PROS1: variants seen among roughly 807,000 people sequenced by gnomAD.
PROS1 encodes vitamin K-dependent protein S.
A neutral mutation model predicts 75.9 loss-of-function variants in PROS1; 29 were observed. That is an observed-to-expected ratio of 0.38 (90% CI 0.28 to 0.52). PROS1 has a LOEUF of 0.52. Ranked by LOEUF, PROS1 falls within the 20% of genes least tolerant of loss-of-function variation. The pLI is 0.83. For synonymous variants in PROS1, 245 were observed against 280.6 expected (o/e 0.87, Z 1.27); for missense variants, 680 against 810.3 (o/e 0.84, Z 1.95).
At chr3:93,949,851 A>G (rs972247952) in intron 1 of PROS1, among the ~76,000 whole-genome samples, 1 of 152,208 alleles carries the variant, frequency 6.6e-6, no homozygotes, top group Admixed American at 6.5e-5. Context: ...CAGTGGGTGC[A>G]GCCCACAGAG....
At chr3:93,897,680 T>C (rs1322504695) in intron 8 of PROS1, among the ~76,000 whole-genome samples, 2 of 152,190 alleles carry the variant, frequency 1.3e-5, no homozygotes, top group Non-Finnish European at 1.5e-5. Context: ...TAGAGGTATG[T>C]ATGTATACTT....
At chr3:93,923,727 C>T (rs1438211328) in intron 3 of PROS1, among the ~76,000 whole-genome samples, 1 of 152,066 alleles carries the variant, frequency 6.6e-6, no homozygotes, top group Non-Finnish European at 1.5e-5. Flanking sequence ...TGGCGAAACC[C>T]TGTCTCTACT....
In PROS1 at chr3:93,939,518, A is replaced by G. The variant is rs1311801981; in HGVS notation, c.77-12111T>C. Among the ~76,000 whole-genome samples the G allele has an allele frequency of 1.1e-4, 17 of 150,832 alleles. No individual in the cohort carries two copies. In the Admixed American group the frequency reaches 1.1e-3, roughly 10 times the overall value. ...TCCCCGACACTATAATCCTTCTATC[A>G]CCTCCCTTCCTTACACCTGCTCTGG... is the stretch of plus-strand genomic sequence containing the variant. On this transcript the variant is annotated intron_variant, in intron 1 of 14. Coordinates refer to ENST00000394236, the MANE Select transcript of PROS1 (RefSeq NM_000313.4).
At chr3:93,968,967 G>A (rs1311370172) in intron 1 of PROS1, among the ~76,000 whole-genome samples, 4 of 152,118 alleles carry the variant, frequency 2.6e-5, no homozygotes, top group Admixed American at 6.5e-5. Context: ...ACACAAACAT[G>A]AGGCACTTGC....
At chr3:93,929,993 G>A (rs1268652517) in intron 1 of PROS1, among the ~76,000 whole-genome samples, 1 of 151,868 alleles carries the variant, frequency 6.6e-6, no homozygotes, top group African/African-American at 2.4e-5. Flanking sequence ...AAAGAAAAAA[G>A]CAAAAAGATT....
intron 1 of PROS1, among the ~76,000 whole-genome samples, chr3:93,962,973 T>A (rs1709731237): frequency 6.6e-6 from 1 of 152,240 alleles, no homozygotes; most frequent in South Asian, 2.1e-4. Flanking sequence ...AGTAAGAGAA[T>A]GCTCTCCAGC....
rs1709930954 is a variant in PROS1, at chr3:93,973,808, G to A, written c.-59C>T. On this transcript the variant is annotated 5_prime_UTR_variant, in exon 1 of 15. Coordinates refer to ENST00000394236, the MANE Select transcript of PROS1 (RefSeq NM_000313.4). ...GGCGCGTCGCGGCGGGGACCGGAGCGCTAGGCGCCGCGGAGCTGCGAGCCT... is the reference window on the plus strand; with the variant it reads ...GGCGCGTCGCGGCGGGGACCGGAGCACTAGGCGCCGCGGAGCTGCGAGCCT... The A allele has an allele frequency of 3.4e-6, 5 of 1,452,652 alleles. No homozygotes were observed. The highest frequency in any genetic ancestry group is 4.7e-6 in the Non-Finnish European group (5 of 1,063,674). The allele number at this position is 1,452,652 out of a possible 1,614,324, so 90.0% of individuals were successfully genotyped here.
At chr3:93,893,320 A>C (rs1708459250) in intron 9 of PROS1, among the ~76,000 whole-genome samples, 198 bp from the exon 10 acceptor site, 1 of 152,180 alleles carries the variant, frequency 6.6e-6, no homozygotes, top group African/African-American at 2.4e-5. Flanking sequence ...GTTTAAAATT[A>C]AGTTATTATA....
At chr3:93,936,580 C>A (rs1483523442) in intron 1 of PROS1, among the ~76,000 whole-genome samples, 1 of 152,086 alleles carries the variant, frequency 6.6e-6, no homozygotes, top group Non-Finnish European at 1.5e-5. Context: ...GAGAAGGCAG[C>A]CATTTGGAAG....
intron 11 of PROS1, among the ~76,000 whole-genome samples, chr3:93,885,312 G>T (rs1708330403): frequency 6.6e-6 from 1 of 152,134 alleles, no homozygotes. Context: ...TGCAACCTCT[G>T]CCTCCCTGGT....
chr3:93,973,850 G>A lies in PROS1; in HGVS notation c.-101C>T, dbSNP rs1328667337. The A allele has an allele frequency of 2.1e-6, 2 of 946,218 alleles. No homozygotes were observed. The highest frequency in any genetic ancestry group is 6.9e-5 in the East Asian group (2 of 28,960). 58.6% of individuals were successfully genotyped at this position (946,218 alleles called of 1,614,324 possible). On this transcript the variant is annotated 5_prime_UTR_variant, in exon 1 of 15. Transcript: ENST00000394236. ...TGCGAGCCTGTGCGCCTCGGTCTGAGCCGTGCTGCGCGGCGGCGCCAGCGA... is the reference window on the plus strand; with the variant it reads ...TGCGAGCCTGTGCGCCTCGGTCTGAACCGTGCTGCGCGGCGGCGCCAGCGA...
chr3:93,881,885 AAC>A (rs1224192318), intron 12 of PROS1, among the ~76,000 whole-genome samples: 3 of 152,134 alleles, frequency 2.0e-5, no homozygotes, highest in Non-Finnish European at 4.4e-5. Flanking sequence ...GTTACAAATA[AAC>A]ACAATTAAAA....
At position 93,874,304 on chromosome 3, in the gene PROS1, G is replaced by A. The variant is rs1262518275; in HGVS notation, c.1972C>T (p.His658Tyr). ...QLDLDEAISK[H>Y]NDIRAHSCPS... ...CATGAGTGAGCTCTAATATCATTATGTTTAGAAATGGCTTCATCCAGATCC... is the reference window on the plus strand; with the variant it reads ...CATGAGTGAGCTCTAATATCATTATATTTAGAAATGGCTTCATCCAGATCC... Residue 658 changes from histidine (H) to tyrosine (Y), a missense_variant, in exon 15 of 15, where the codon CAT becomes TAT. His to Tyr is a moderately conservative substitution (Grantham distance 83, BLOSUM62 2). Coordinates refer to ENST00000394236, the MANE Select transcript of PROS1 (RefSeq NM_000313.4). The A allele has an allele frequency of 3.7e-6, 6 of 1,613,456 alleles. No homozygotes were observed. The highest frequency in any genetic ancestry group is 4.2e-6 in the Non-Finnish European group (5 of 1,179,534).
intron 3 of PROS1, among the ~76,000 whole-genome samples, chr3:93,923,807 C>CT (rs1165506837): frequency 6.6e-6 from 1 of 151,696 alleles, no homozygotes; most frequent in Non-Finnish European, 1.5e-5. Context: ...GGCTGAGGCA[C>CT]TTGAGAATCA....
At chr3:93,909,470 T>A (rs1233856365) in intron 4 of PROS1, among the ~76,000 whole-genome samples, 3 of 148,042 alleles carry the variant, frequency 2.0e-5, no homozygotes, top group Non-Finnish European at 4.5e-5. Flanking sequence ...CAAGTAAAGA[T>A]CAATTATAGT....
intron 1 of PROS1, among the ~76,000 whole-genome samples, chr3:93,929,177 T>C (rs1379659621): frequency 4.6e-5 from 7 of 152,130 alleles, no homozygotes; most frequent in Non-Finnish European, 8.8e-5. Context: ...GACTTAAATA[T>C]CTATCAAGAG....
At chr3:93,947,853 C>A (rs765508879) in intron 1 of PROS1, among the ~76,000 whole-genome samples, 3 of 152,116 alleles carry the variant, frequency 2.0e-5, no homozygotes, top group Admixed American at 1.3e-4. Context: ...CAGGTGTGAG[C>A]CACCACACCC....
chr3:93,936,672 A>C (rs892244675), intron 1 of PROS1, among the ~76,000 whole-genome samples: 6 of 152,158 alleles, frequency 3.9e-5, no homozygotes, highest in East Asian at 1.9e-4. Flanking sequence ...CAAGAAAATA[A>C]ATTTCTATGG....
chr3:93,897,847 C>G (rs1294633896), intron 8 of PROS1, among the ~76,000 whole-genome samples: 1 of 152,012 alleles, frequency 6.6e-6, no homozygotes, highest in African/African-American at 2.4e-5. Flanking sequence ...ATATTCAATT[C>G]CTGGGTCAAT....
Sources: gnomAD v4.1 joint callset for allele counts (sites outside exome capture counted in the v4.1 genomes callset) on GRCh38, gnomAD v4.1.1 for gene constraint, MANE v1.5 for transcripts, NCBI Gene and HGNC (gene_info 2026-07-23, HGNC 2026-07-21) for gene names.